Variants in PRKN observed in about 807,000 individuals in gnomAD.
PRKN encodes the protein E3 ubiquitin-protein ligase parkin.
A neutral mutation model predicts 59.5 loss-of-function variants in PRKN; 56 were observed. The observed-to-expected ratio is 0.94, with a 90% CI of 0.76 to 1.18. PRKN has a LOEUF of 1.18. Among genes scored for constraint, PRKN ranks in the 50% most tolerant of loss-of-function variants. The pLI is 0.00. For missense variants in PRKN, 657 were observed against 596.4 expected (o/e 1.10, Z -1.06); for synonymous variants, 250 against 222.1 (o/e 1.13, Z -1.12).
chr6:161,532,869 A>G (rs1026899280), intron 9 of PRKN, among the ~76,000 whole-genome samples: 3 of 152,172 alleles, frequency 2.0e-5, no homozygotes, highest in Non-Finnish European at 4.4e-5. Flanking sequence ...GCCTCTTATA[A>G]ATCTACAAAT....
At chr6:161,734,449 T>C (rs1216754041) in intron 7 of PRKN, among the ~76,000 whole-genome samples, 1 of 152,154 alleles carries the variant, frequency 6.6e-6, no homozygotes, top group Non-Finnish European at 1.5e-5. Flanking sequence ...GAGCCACCTG[T>C]ACAGGATTAT....
At chr6:162,483,732 G>A (rs9347652) in intron 1 of PRKN, among the ~76,000 whole-genome samples, 46,485 of 152,116 alleles carry the variant, frequency 0.31, 7,438 homozygotes, top group East Asian at 0.49. Context: ...ATCAAAATTA[G>A]AAAGGCACAA....
chr6:161,675,980 G>C (rs917002222), intron 7 of PRKN, among the ~76,000 whole-genome samples: 2 of 152,232 alleles, frequency 1.3e-5, no homozygotes, highest in Non-Finnish European at 2.9e-5. Context: ...CTCTGCTTAA[G>C]TCTTGAGTTA....
At chr6:162,116,578 A>T (rs1780682509) in intron 4 of PRKN, among the ~76,000 whole-genome samples, 1 of 152,186 alleles carries the variant, frequency 6.6e-6, no homozygotes, top group African/African-American at 2.4e-5. Context: ...TGTACATTAG[A>T]TCCTGTATAC....
At chr6:162,179,670 C>A (rs1393643130) in intron 4 of PRKN, among the ~76,000 whole-genome samples, 1 of 152,080 alleles carries the variant, frequency 6.6e-6, no homozygotes, top group Non-Finnish European at 1.5e-5. Context: ...AAGGTTTATG[C>A]CCCTTACTAT....
At chr6:161,718,380 G>C (rs980648540) in intron 7 of PRKN, among the ~76,000 whole-genome samples, 4 of 149,308 alleles carry the variant, frequency 2.7e-5, no homozygotes, top group Non-Finnish European at 5.9e-5. Context: ...TACTGAGACT[G>C]ATCCAGTGTG....
chr6:161,925,565 C>T (rs1291214575), intron 6 of PRKN, among the ~76,000 whole-genome samples: 1 of 151,770 alleles, frequency 6.6e-6, no homozygotes, highest in African/African-American at 2.4e-5. Context: ...AGTGAGACTC[C>T]ATCTCAAAAG....
In PRKN at chr6:162,331,062, C is replaced by A. The variant is rs995835273; in HGVS notation, c.172-68297G>T. On this transcript the variant is annotated intron_variant, in intron 2 of 11. Transcript: ENST00000366898. ...AATAATTTTAGGCAGGGCACACTGG[C>A]TCACACCTGTAATCCCAGCACTTTG... 5.3e-5 allele frequency among the ~76,000 whole-genome samples: 8 copies of A among 152,246 alleles called. No homozygotes were observed. In the South Asian group the frequency reaches 6.2e-4, roughly 12 times the overall value.
At chr6:161,935,105 C>T (rs1779305143) in intron 6 of PRKN, among the ~76,000 whole-genome samples, 1 of 89,446 alleles carries the variant, frequency 1.1e-5, no homozygotes, top group African/African-American at 4.6e-5. Context: ...GTCTCTGGTG[C>T]CCTTTCTGCC....
At chr6:162,442,721 T>C (rs929034024) in intron 2 of PRKN, among the ~76,000 whole-genome samples, 1 of 152,122 alleles carries the variant, frequency 6.6e-6, no homozygotes, top group African/African-American at 2.4e-5. Flanking sequence ...TTGGAGAAAT[T>C]CATGCAAAGG....
intron 1 of PRKN, among the ~76,000 whole-genome samples, chr6:162,577,111 G>A (rs764965984): frequency 4.6e-5 from 7 of 152,016 alleles, no homozygotes; most frequent in Non-Finnish European, 7.4e-5. Flanking sequence ...TAAGTGAGTA[G>A]GTGGAGAAAT....
intron 5 of PRKN, among the ~76,000 whole-genome samples, chr6:162,049,514 G>T (rs934823275): frequency 2.0e-5 from 3 of 152,058 alleles, no homozygotes; most frequent in African/African-American, 7.2e-5. Flanking sequence ...CATTTAGTTG[G>T]TGTTTATTAA....
chr6:162,452,039 G>T lies in PRKN; in HGVS notation c.8-8566C>A, dbSNP rs58031658. ...CAGGGTTAAAATGATGTAATTAAGG[G>T]TTAACTTCTGGTCAGAAACAATGGA... On this transcript the variant is annotated intron_variant, in intron 1 of 11. Coordinates refer to ENST00000366898, the MANE Select transcript of PRKN (RefSeq NM_004562.3). Among the ~76,000 whole-genome samples, 471 of 152,140 alleles carry T rather than the reference G, an allele frequency of 3.1e-3. 3 individuals are homozygous for T. The highest frequency in any genetic ancestry group is 0.011 in the African/African-American group (447 of 41,490).
intron 7 of PRKN, among the ~76,000 whole-genome samples, chr6:161,684,946 A>G (rs1356292086): frequency 1.3e-5 from 2 of 152,218 alleles, no homozygotes; most frequent in African/African-American, 4.8e-5. Context: ...AAATTCCTAG[A>G]TGAGGGATCA....
chr6:162,650,368 C>T (rs550903699), intron 1 of PRKN, among the ~76,000 whole-genome samples: 6 of 151,994 alleles, frequency 3.9e-5, no homozygotes, highest in East Asian at 1.9e-4. Flanking sequence ...GAGGCCGAGG[C>T]GGGCGGATCA....
chr6:161,720,894 G>C (rs371175809), intron 7 of PRKN, among the ~76,000 whole-genome samples: 1 of 152,160 alleles, frequency 6.6e-6, no homozygotes, highest in East Asian at 1.9e-4. Flanking sequence ...AGTAAAGAGA[G>C]ATTAAGTGAA....
intron 1 of PRKN, among the ~76,000 whole-genome samples, chr6:162,508,800 C>T (rs923369743): frequency 5.3e-5 from 8 of 151,922 alleles, no homozygotes; most frequent in Admixed American, 2.0e-4. Flanking sequence ...TGCAGTGAGC[C>T]GTGATTGCAC....
At chr6:162,682,902 T>G (rs1400904197) in intron 1 of PRKN, among the ~76,000 whole-genome samples, 1 of 152,128 alleles carries the variant, frequency 6.6e-6, no homozygotes, top group Non-Finnish European at 1.5e-5. Flanking sequence ...AATGAAATTT[T>G]CAGATACAGA....
chr6:162,499,326 C>A (rs1793254025), intron 1 of PRKN, among the ~76,000 whole-genome samples: 2 of 152,168 alleles, frequency 1.3e-5, no homozygotes, highest in African/African-American at 4.8e-5. Flanking sequence ...TTATTCAAAT[C>A]TAGAGCAGCT....
Sources: gnomAD v4.1 joint callset for allele counts (sites outside exome capture counted in the v4.1 genomes callset) on GRCh38, gnomAD v4.1.1 for gene constraint, MANE v1.5 for transcripts, NCBI Gene and HGNC (gene_info 2026-07-23, HGNC 2026-07-21) for gene names.